CSMD3: variants seen among roughly 807,000 people sequenced by gnomAD.
CSMD3 encodes the protein CUB and Sushi multiple domains 3.
In CSMD3, 177 loss-of-function variants were observed where a neutral mutation model predicts 435.2. The observed-to-expected ratio is 0.41, with a 90% CI of 0.36 to 0.46. CSMD3 has a LOEUF of 0.46. Among genes scored for constraint, CSMD3 ranks in the 20% least tolerant of loss-of-function variants. The probability of loss-of-function intolerance (pLI) is 0.34; values close to 1 mark genes in which losing one functional copy is unlikely to be tolerated. For missense variants in CSMD3, 4,265 were observed against 4,504.6 expected, an observed-to-expected ratio of 0.95 and a Z score of 1.52; for synonymous variants, 1,656 against 1,520.5, an observed-to-expected ratio of 1.09 and a Z score of -2.07.
intron 5 of CSMD3, among the ~76,000 whole-genome samples, chr8:113,036,729 T>C (rs1460483491): frequency 1.3e-5 from 2 of 151,998 alleles, no homozygotes; most frequent in African/African-American, 4.8e-5. Context: ...CAAATATTAC[T>C]CTTCTTCTGT....
At chr8:112,841,213 A>G (rs772401401) in intron 11 of CSMD3, among the ~76,000 whole-genome samples, 1 of 151,664 alleles carries the variant, frequency 6.6e-6, no homozygotes, top group Non-Finnish European at 1.5e-5. Flanking sequence ...AGGGGCCTCT[A>G]TGATCTAATC....
chr8:113,355,972 T>C (rs546551117), intron 1 of CSMD3, among the ~76,000 whole-genome samples: 5 of 151,250 alleles, frequency 3.3e-5, no homozygotes, highest in African/African-American at 7.3e-5. Flanking sequence ...CTTAAAATCA[T>C]GTTAGAATTA....
chr8:113,344,286 A>G (rs1205739355), intron 1 of CSMD3, among the ~76,000 whole-genome samples: 1 of 152,086 alleles, frequency 6.6e-6, no homozygotes, highest in African/African-American at 2.4e-5. Flanking sequence ...TTTTCTAGTA[A>G]TTGTGGGGTA....
chr8:112,583,746 T>C (rs975148780), intron 23 of CSMD3, among the ~76,000 whole-genome samples: 4 of 151,832 alleles, frequency 2.6e-5, no homozygotes, highest in African/African-American at 7.2e-5. Context: ...TCAGCCAAGG[T>C]TGGTCATAGT....
intron 32 of CSMD3, among the ~76,000 whole-genome samples, chr8:112,426,105 T>TA (rs1341250848): frequency 1.3e-5 from 2 of 152,038 alleles, no homozygotes; most frequent in Non-Finnish European, 2.9e-5. Context: ...GCTGGAGACA[T>TA]AAAAAAAGTG....
intron 5 of CSMD3, among the ~76,000 whole-genome samples, chr8:113,067,176 C>T (rs565407155): frequency 1.9e-4 from 29 of 152,196 alleles, no homozygotes; most frequent in Admixed American, 1.5e-3. Flanking sequence ...CCCTTTTATA[C>T]TTACATTCTA....
At chr8:113,363,178 A>G (rs545301791) in intron 1 of CSMD3, among the ~76,000 whole-genome samples, 1 of 152,342 alleles carries the variant, frequency 6.6e-6, no homozygotes, top group South Asian at 2.1e-4. Flanking sequence ...GTGAACCAGT[A>G]TGGTATGGAT....
chr8:113,140,877 GAAGT>G (rs762688484), intron 4 of CSMD3, among the ~76,000 whole-genome samples: 22 of 150,676 alleles, frequency 1.5e-4, no homozygotes, highest in Non-Finnish European at 3.1e-4. Context: ...AAAGTAAGCA[GAAGT>G]AAGTAAATAA....
intron 3 of CSMD3, among the ~76,000 whole-genome samples, chr8:113,241,895 T>C (rs1234181958): frequency 6.6e-6 from 1 of 151,690 alleles, no homozygotes; most frequent in Non-Finnish European, 1.5e-5. Flanking sequence ...GGTCCTGATG[T>C]GCACTGAATG....
chr8:112,554,752 G>T (rs1253344106), intron 25 of CSMD3, among the ~76,000 whole-genome samples: 1 of 151,912 alleles, frequency 6.6e-6, no homozygotes, highest in Admixed American at 6.6e-5. Context: ...AGTGTTTAAA[G>T]AAGAGATACA....
At chr8:112,402,421 G>C (rs1831421566) in intron 35 of CSMD3, among the ~76,000 whole-genome samples, 1 of 152,044 alleles carries the variant, frequency 6.6e-6, no homozygotes, top group South Asian at 2.1e-4. Flanking sequence ...TTACATTTCA[G>C]TTCTTGGCAT....
At chr8:112,868,048 C>CT (rs1278999052) in intron 10 of CSMD3, among the ~76,000 whole-genome samples, 1 of 152,018 alleles carries the variant, frequency 6.6e-6, no homozygotes, top group Non-Finnish European at 1.5e-5. Context: ...ATTCTATATG[C>CT]TTTTTTCTAT....
chr8:112,587,360 G>T, intron 22 of CSMD3, 125 bp from the exon 23 acceptor site: 1 of 705,774 alleles, frequency 1.4e-6, no homozygotes. Context: ...ATAATATACA[G>T]AATGGCTTTA....
At chr8:113,089,176 T>C (rs1279571667) in intron 5 of CSMD3, among the ~76,000 whole-genome samples, 1 of 152,152 alleles carries the variant, frequency 6.6e-6, no homozygotes, top group Non-Finnish European at 1.5e-5. Context: ...TCCTCCACTC[T>C]CCTCTTTCAA....
At chr8:112,748,171 G>T (rs1267588509) in intron 13 of CSMD3, among the ~76,000 whole-genome samples, 1 of 152,084 alleles carries the variant, frequency 6.6e-6, no homozygotes, top group East Asian at 1.9e-4. Context: ...AGAAAGAGGA[G>T]AAGAGATAGA....
intron 13 of CSMD3, among the ~76,000 whole-genome samples, chr8:112,749,407 C>T (rs768514869): frequency 4.6e-5 from 7 of 151,984 alleles, no homozygotes; most frequent in Non-Finnish European, 1.0e-4. Context: ...TGTCATAAAA[C>T]GTTTTCCCGT....
intron 6 of CSMD3, among the ~76,000 whole-genome samples, chr8:113,008,758 T>C (rs1242106551): frequency 1.3e-5 from 2 of 151,480 alleles, no homozygotes; most frequent in East Asian, 1.9e-4. Flanking sequence ...TAACATTCCA[T>C]GTATTTGTTT....
intron 50 of CSMD3, among the ~76,000 whole-genome samples, chr8:112,306,659 T>C (rs886911991): frequency 1.3e-5 from 2 of 152,128 alleles, no homozygotes; most frequent in African/African-American, 4.8e-5. Flanking sequence ...ATAGATTTAT[T>C]TTACCTGAAA....
intron 10 of CSMD3, among the ~76,000 whole-genome samples, chr8:112,892,408 C>T (rs570778288): frequency 2.6e-5 from 4 of 151,382 alleles, no homozygotes; most frequent in Admixed American, 6.6e-5. Context: ...AATCTCATTG[C>T]CATTTTTGGA....
Sources: allele counts gnomAD v4.1 joint callset (sites outside exome capture counted in the v4.1 genomes callset), GRCh38; gene constraint gnomAD v4.1.1; transcripts MANE v1.5; gene names NCBI Gene and HGNC (gene_info 2026-07-23, HGNC 2026-07-21).